YIPF5: variants seen among roughly 807,000 people sequenced by gnomAD.
YIPF5 encodes the protein protein YIPF5.
Under a neutral mutation model 30.4 loss-of-function variants are expected in YIPF5, and 8 were observed. The ratio of observed to expected loss-of-function variants is 0.26; its 90% CI spans 0.15 to 0.47. The LOEUF (loss-of-function observed/expected upper bound fraction) is 0.47, where lower values mean the gene tolerates loss of function less well. Among genes scored for constraint, YIPF5 ranks in the 20% least tolerant of loss-of-function variants. The pLI is 0.99. For synonymous variants in YIPF5, 104 were observed against 107.9 expected (o/e 0.96, Z 0.23); for missense variants, 282 against 301.8 (o/e 0.93, Z 0.49).
chr5:144,162,763 A>G (rs1752085136), intron 4 of YIPF5, among the ~76,000 whole-genome samples: 2 of 152,178 alleles, frequency 1.3e-5, no homozygotes, highest in East Asian at 3.9e-4. Flanking sequence ...AAATGTCTAG[A>G]TAATTGTTAT....
At chr5:144,161,517 T>C (rs1752045905) in intron 5 of YIPF5, among the ~76,000 whole-genome samples, 1 of 152,036 alleles carries the variant, frequency 6.6e-6, no homozygotes, top group Non-Finnish European at 1.5e-5. Flanking sequence ...CGGCTAATTT[T>C]GTATTTTTAG....
chr5:144,165,024 AAAG>A (rs1351598952), intron 3 of YIPF5, among the ~76,000 whole-genome samples: 1 of 152,224 alleles, frequency 6.6e-6, no homozygotes, highest in Non-Finnish European at 1.5e-5. Context: ...AGTTAAAAAA[AAAG>A]TTCAGAACTA....
chr5:144,162,128 GA>G, intron 5 of YIPF5, 89 bp downstream of exon 5: 1 of 1,391,850 alleles, frequency 7.2e-7, no homozygotes, highest in Admixed American at 2.1e-5. Flanking sequence ...TATGTTTGCT[GA>G]ATCGGTGATT....
chr5:144,170,082 A>T, intron 1 of YIPF5, 117 bp from the exon 2 acceptor site: 7 of 747,174 alleles, frequency 9.4e-6, no homozygotes, highest in Non-Finnish European at 1.1e-5. Context: ...TAATTCGGAG[A>T]GGGGATGGGG....
intron 4 of YIPF5, chr5:144,163,905 G>A (rs1184898100): frequency 4.4e-6 from 2 of 451,300 alleles, no homozygotes; most frequent in Non-Finnish European, 7.1e-6. Context: ...TCATTTCTTA[G>A]AAAAAGAAAT....
Position 144,160,376 on chromosome 5 carries a change from G to C in YIPF5, c.*21C>G. The C allele has an allele frequency of 6.2e-7, 1 of 1,604,974 alleles. No homozygotes were observed. Among genetic ancestry groups the C allele is most frequent in the Non-Finnish European group, 8.5e-7 (1 of 1,173,934 alleles). Reference sequence around the variant, plus strand: ...CTTTTTGTACATCTGGCCCACTGATGTCCACATCCCAGATAAATTTTCAAA... The same window carrying C: ...CTTTTTGTACATCTGGCCCACTGATCTCCACATCCCAGATAAATTTTCAAA... On this transcript the variant is annotated 3_prime_UTR_variant, in exon 6 of 6. Transcript: ENST00000274496.
intron 5 of YIPF5, among the ~76,000 whole-genome samples, chr5:144,161,154 T>C (rs6864640): frequency 0.84 from 127,508 of 152,008 alleles, 53,922 homozygotes; most frequent in African/African-American, 0.95. Context: ...TTGTATTGGA[T>C]AAATAATCGA....
intron 3 of YIPF5, among the ~76,000 whole-genome samples, 176 bp from the exon 4 acceptor site, chr5:144,164,432 C>A (rs1752142830): frequency 6.6e-6 from 1 of 152,058 alleles, no homozygotes; most frequent in African/African-American, 2.4e-5. Context: ...ATCACCCAGG[C>A]TGGAGTGCAG....
chr5:144,164,783 G>A (rs958331268), intron 3 of YIPF5, among the ~76,000 whole-genome samples: 1 of 152,064 alleles, frequency 6.6e-6, no homozygotes, highest in Non-Finnish European at 1.5e-5. Flanking sequence ...CTGGATTGGT[G>A]TTGGAAAAGG....
rs1442361153 is a variant in YIPF5 at position 144,170,619 on chromosome 5, A to T, written c.-95T>A. Reference sequence around the variant, plus strand: ...CAAACTCTGTTTCAGACCCTGAACCAGCCCCGTTGCTACGTGTCACAGGGC... The same window carrying T: ...CAAACTCTGTTTCAGACCCTGAACCTGCCCCGTTGCTACGTGTCACAGGGC... On this transcript the variant is annotated 5_prime_UTR_variant, in exon 1 of 6. Transcript: ENST00000274496. 1.3e-5 allele frequency: 2 copies of T among 152,434 alleles called. No individual in the cohort carries two copies. Among genetic ancestry groups the T allele is most frequent in the Non-Finnish European group, 2.9e-5 (2 of 68,194 alleles). 9.4% of individuals were successfully genotyped at this position (152,434 alleles called of 1,614,324 possible).
chr5:144,159,564 G>A lies in YIPF5; in HGVS notation c.*833C>T. 5.1e-6 allele frequency: 5 copies of A among 985,330 alleles called. No individual in the cohort carries two copies. The highest frequency in any genetic ancestry group is 6.0e-6 in the Non-Finnish European group (5 of 829,908). 61.0% of individuals were successfully genotyped at this position (985,330 alleles called of 1,614,324 possible). ...CAAAAATTCCATGAGATAATTTACAGTAATGTCAAATTTTTGGAGTGCAAA... is the reference window on the plus strand; with the variant it reads ...CAAAAATTCCATGAGATAATTTACAATAATGTCAAATTTTTGGAGTGCAAA... On this transcript the variant is annotated 3_prime_UTR_variant, in exon 6 of 6. Coordinates refer to ENST00000274496, the MANE Select transcript of YIPF5 (RefSeq NM_030799.9).
At position 144,159,468 on chromosome 5, in the gene YIPF5, T is replaced by C. The variant is rs1751964706; in HGVS notation, c.*929A>G. On this transcript the variant is annotated 3_prime_UTR_variant, in exon 6 of 6. Transcript: ENST00000274496. ...CCCTAAGGTTGAGTTAACATTAATA[T>C]GTAAGTAAGTGTTCGCATTTCATGT... 1 of 985,230 alleles carries C rather than the reference T, an allele frequency of 1.0e-6. No homozygotes were observed. The highest frequency in any genetic ancestry group is 1.2e-6 in the Non-Finnish European group (1 of 829,868). 61.0% of individuals were successfully genotyped at this position (985,230 alleles called of 1,614,324 possible). A position where few individuals can be genotyped will look rare whatever the true frequency, so the allele number is the denominator to read the frequency against.
chr5:144,164,189 T>C lies in YIPF5; in HGVS notation c.351A>G (p.Ala117=). Residue 117 remains alanine (A), a synonymous_variant, in exon 4 of 6, where the codon GCA becomes GCG. Transcript: ENST00000274496. Reference sequence around the variant, plus strand: ...CAGTTTCATTCATGATGCTGCCATCTGCTACTTTTAACGGATGTAATACTG... The same window carrying C: ...CAGTTTCATTCATGATGCTGCCATCCGCTACTTTTAACGGATGTAATACTG... ...TLTVLHPLKV[A]DGSIMNETDL... The C allele has an allele frequency of 1.9e-6, 3 of 1,613,844 alleles. No homozygotes were observed. The highest frequency in any genetic ancestry group is 2.5e-6 in the Non-Finnish European group (3 of 1,179,834).
In YIPF5 at chr5:144,162,403, T is replaced by C; in HGVS notation, c.430-4A>G. 8 of 1,608,810 alleles carry C rather than the reference T, an allele frequency of 5.0e-6. No homozygotes were observed. The South Asian group carries it at 6.7e-5, about 13-fold the overall frequency. ...AGCCAAACTGGATTTTGCCAGCCTA[T>C]GGGTAAAGAAGATTACAGGTTAAAG... On this transcript the variant is annotated splice_polypyrimidine_tract_variant and splice_region_variant and intron_variant, in intron 4 of 5. Transcript: ENST00000274496.
intron 1 of YIPF5, chr5:144,170,239 C>T (rs1002782573): frequency 7.3e-6 from 3 of 412,848 alleles, no homozygotes; most frequent in Non-Finnish European, 1.3e-5. Flanking sequence ...GTTGTGGTTC[C>T]ATAAGCGGTC....
chr5:144,165,697 A>G, intron 2 of YIPF5, 93 bp from the exon 3 acceptor site: 1 of 1,311,648 alleles, frequency 7.6e-7, no homozygotes, highest in Non-Finnish European at 1.0e-6. Context: ...TGACAGCTAA[A>G]GAACCTTAGT....
At position 144,159,482 on chromosome 5, in the gene YIPF5, C is replaced by T. The variant is rs1580752277; in HGVS notation, c.*915G>A. 4.1e-6 allele frequency: 4 copies of T among 983,300 alleles called. No individual in the cohort carries two copies. Among genetic ancestry groups the T allele is most frequent in the Non-Finnish European group, 3.6e-6 (3 of 829,248 alleles). 60.9% of individuals were successfully genotyped at this position (983,300 alleles called of 1,614,324 possible). A position where few individuals can be genotyped will look rare whatever the true frequency, so the allele number is the denominator to read the frequency against. ...TAACATTAATATGTAAGTAAGTGTT[C>T]GCATTTCATGTCTACAATAAGGTAG... On this transcript the variant is annotated 3_prime_UTR_variant, in exon 6 of 6. Transcript: ENST00000274496.
intron 3 of YIPF5, 66 bp downstream of exon 3, chr5:144,165,361 CAAATT>C: frequency 6.5e-7 from 1 of 1,531,084 alleles, no homozygotes; most frequent in Non-Finnish European, 8.8e-7. Flanking sequence ...ACAATTTCTC[CAAATT>C]AAGATTAATT....
chr5:144,162,136 G>A, intron 5 of YIPF5, 82 bp downstream of exon 5: 5 of 1,448,402 alleles, frequency 3.5e-6, no homozygotes, highest in Non-Finnish European at 4.7e-6. Context: ...CTGAATCGGT[G>A]ATTTATCTCA....
Sources: allele counts gnomAD v4.1 joint callset (sites outside exome capture counted in the v4.1 genomes callset), GRCh38; gene constraint gnomAD v4.1.1; transcripts MANE v1.5; gene names NCBI Gene and HGNC (gene_info 2026-07-23, HGNC 2026-07-21).